ADAMTS14: variants seen among roughly 807,000 people sequenced by gnomAD.
ADAMTS14 encodes A disintegrin and metalloproteinase with thrombospondin motifs 14.
Under a neutral mutation model 128.6 loss-of-function variants are expected in ADAMTS14, and 100 were observed. The observed-to-expected ratio is 0.78, with a 90% CI of 0.66 to 0.92. ADAMTS14 has a LOEUF of 0.92. Among genes scored for constraint, ADAMTS14 ranks in the 40% least tolerant of loss-of-function variants. ADAMTS14 has a pLI of 0.00. For synonymous variants in ADAMTS14, 665 were observed against 653.8 expected, an observed-to-expected ratio of 1.02 and a Z score of -0.26; for missense variants, 1,562 against 1,658.6, an observed-to-expected ratio of 0.94 and a Z score of 1.01.
At chr10:70,713,287 C>G (rs1051581447) in intron 4 of ADAMTS14, among the ~76,000 whole-genome samples, 1 of 130,714 alleles carries the variant, frequency 7.7e-6, no homozygotes, top group African/African-American at 2.9e-5. Context: ...TTGTTCAGAG[C>G]TGGGTGCTGT....
At chr10:70,682,786 G>A (rs1839850292) in intron 2 of ADAMTS14, among the ~76,000 whole-genome samples, 1 of 152,060 alleles carries the variant, frequency 6.6e-6, no homozygotes, top group Admixed American at 6.5e-5. Flanking sequence ...GCCCGTGTTG[G>A]CCTTGGACCC....
At chr10:70,681,794 C>T (rs1341125181) in intron 2 of ADAMTS14, among the ~76,000 whole-genome samples, 1 of 152,236 alleles carries the variant, frequency 6.6e-6, no homozygotes, top group Non-Finnish European at 1.5e-5. Context: ...CTGGCTTGTC[C>T]CCTTACATCT....
At chr10:70,755,043 G>T (rs7067968) in intron 19 of ADAMTS14, among the ~76,000 whole-genome samples, 1 of 151,714 alleles carries the variant, frequency 6.6e-6, no homozygotes, top group Admixed American at 6.6e-5. Flanking sequence ...CACTTTGGGA[G>T]GCTGAGGTGG....
intron 2 of ADAMTS14, among the ~76,000 whole-genome samples, chr10:70,688,932 A>C (rs1158225267): frequency 7.2e-6 from 1 of 138,118 alleles, no homozygotes; most frequent in African/African-American, 2.8e-5. Flanking sequence ...CCAGCCACAT[A>C]TTTACACCTT....
chr10:70,684,832 G>C (rs1047667420), intron 2 of ADAMTS14, among the ~76,000 whole-genome samples: 10 of 149,736 alleles, frequency 6.7e-5, no homozygotes, highest in Admixed American at 5.3e-4. Context: ...TCTGAGCAGA[G>C]GCCCCGGGCC....
intron 7 of ADAMTS14, among the ~76,000 whole-genome samples, chr10:70,732,818 G>A (rs1319346421): frequency 2.6e-5 from 4 of 152,256 alleles, no homozygotes; most frequent in Non-Finnish European, 4.4e-5. Flanking sequence ...GTAAACAGGT[G>A]CACTTAGAGC....
intron 7 of ADAMTS14, among the ~76,000 whole-genome samples, chr10:70,732,671 CACGCAGA>C (rs1589312508): frequency 2.6e-5 from 4 of 152,328 alleles, no homozygotes; most frequent in Admixed American, 2.0e-4. Flanking sequence ...GTCCCCATCA[CACGCAGA>C]GGCCTGCTCT....
At chr10:70,757,147 T>C (rs1392558133) in intron 19 of ADAMTS14, among the ~76,000 whole-genome samples, 1 of 152,078 alleles carries the variant, frequency 6.6e-6, no homozygotes, top group Non-Finnish European at 1.5e-5. Context: ...CAACGCTGCT[T>C]TCCTGGAGTC....
At chr10:70,716,667 C>T (rs1841058383) in intron 4 of ADAMTS14, among the ~76,000 whole-genome samples, 1 of 152,214 alleles carries the variant, frequency 6.6e-6, no homozygotes, top group African/African-American at 2.4e-5. Flanking sequence ...CCTTGGAACA[C>T]CTGTCTGCTG....
intron 15 of ADAMTS14, 33 bp downstream of exon 15, chr10:70,745,339 G>T (rs1273411457): frequency 1.9e-6 from 3 of 1,608,212 alleles, no homozygotes; most frequent in Non-Finnish European, 2.5e-6. Flanking sequence ...GGGACAGCAG[G>T]GCCCCAGGCC....
At chr10:70,733,702 G>A (rs1198678124) in intron 7 of ADAMTS14, among the ~76,000 whole-genome samples, 183 bp from the exon 8 acceptor site, 2 of 152,212 alleles carry the variant, frequency 1.3e-5, no homozygotes, top group South Asian at 2.1e-4. Flanking sequence ...CCCCGTCCCA[G>A]TGGGAGCAGC....
chr10:70,691,976 T>C (rs1391502557), intron 2 of ADAMTS14, among the ~76,000 whole-genome samples: 1 of 152,198 alleles, frequency 6.6e-6, no homozygotes, highest in East Asian at 1.9e-4. Flanking sequence ...ATTCTAAATG[T>C]CCCTCTTCTT....
intron 4 of ADAMTS14, among the ~76,000 whole-genome samples, chr10:70,727,157 T>C (rs4747089): frequency 0.44 from 66,140 of 152,022 alleles, 14,541 homozygotes; most frequent in African/African-American, 0.49. Flanking sequence ...GACTGGGGCT[T>C]GGTGATGCAC....
At chr10:70,709,419 A>G (rs1034663113) in intron 4 of ADAMTS14, among the ~76,000 whole-genome samples, 2 of 144,804 alleles carry the variant, frequency 1.4e-5, no homozygotes, top group African/African-American at 5.1e-5. Flanking sequence ...AAAGTCAGAA[A>G]TGTAGTTTTT....
intron 4 of ADAMTS14, among the ~76,000 whole-genome samples, chr10:70,710,761 A>C (rs1275376884): frequency 6.6e-6 from 1 of 152,244 alleles, no homozygotes; most frequent in Non-Finnish European, 1.5e-5. Flanking sequence ...AAATGAGCGC[A>C]TGGTGCACAG....
Position 70,744,086 on chromosome 10 carries a change from G to C in ADAMTS14, c.2079G>C (p.Glu693Asp). The change falls in exon 14 of 22, where the codon GAG (glutamate) becomes GAC (aspartate). Residue 693 changes from glutamate (E) to aspartate (D), a missense_variant. Glu to Asp is a conservative substitution (Grantham distance 45, BLOSUM62 2). Transcript: ENST00000373207. ...CTCAGCCTGTCGGCTGTGACAAGGA[G>C]GTGGGGTCCATGAAGGCGGATGACA... ...GECVPVGCDK[E>D]VGSMKADDKC... The C allele has an allele frequency of 1.9e-6, 3 of 1,564,994 alleles. No individual in the cohort carries two copies. The highest frequency in any genetic ancestry group is 2.6e-6 in the Non-Finnish European group (3 of 1,154,870).
chr10:70,734,253 C>T (rs1465927763), intron 8 of ADAMTS14, among the ~76,000 whole-genome samples: 2 of 152,148 alleles, frequency 1.3e-5, no homozygotes, highest in Admixed American at 6.5e-5. Flanking sequence ...ACATAGAATT[C>T]TTATTAAAAA....
At chr10:70,719,060 G>A (rs933213652) in intron 4 of ADAMTS14, among the ~76,000 whole-genome samples, 10 of 152,060 alleles carry the variant, frequency 6.6e-5, no homozygotes, top group African/African-American at 2.4e-4. Flanking sequence ...ATCACAGCTA[G>A]AGGGGATGGG....
chr10:70,674,445 C>G, intron 1 of ADAMTS14, 111 bp from the exon 2 acceptor site: 1 of 1,133,010 alleles, frequency 8.8e-7, no homozygotes, highest in South Asian at 1.4e-5. Flanking sequence ...AAGGGGCCCA[C>G]CTAAGGGTGA....
Sources: allele counts gnomAD v4.1 joint callset (sites outside exome capture counted in the v4.1 genomes callset), GRCh38; gene constraint gnomAD v4.1.1; transcripts MANE v1.5; gene names NCBI Gene and HGNC (gene_info 2026-07-23, HGNC 2026-07-21).